Variants in MAST4 observed in about 807,000 individuals in gnomAD.
The protein encoded by MAST4 is microtubule associated serine/threonine kinase family member 4.
MAST4 carries 89 observed loss-of-function variants against 162.7 expected under a neutral mutation model. The observed-to-expected ratio is 0.55, with a 90% CI of 0.46 to 0.65. The LOEUF (loss-of-function observed/expected upper bound fraction) is 0.65. Ranked by LOEUF, MAST4 falls within the 30% of genes least tolerant of loss-of-function variation. MAST4 has a pLI of 0.00. For missense variants in MAST4, 3,153 were observed against 3,374.0 expected (o/e 0.93, Z 1.62); for synonymous variants, 1,479 against 1,361.1 (o/e 1.09, Z -1.91).
intron 4 of MAST4, among the ~76,000 whole-genome samples, chr5:67,028,256 AAACAAC>A (rs374617254): frequency 2.0e-5 from 3 of 152,168 alleles, no homozygotes; most frequent in Admixed American, 6.6e-5. Flanking sequence ...AATCTAGGCA[AAACAAC>A]AACAACAACA....
chr5:67,162,966 G>C (rs1773380778), intron 28 of MAST4, among the ~76,000 whole-genome samples, 178 bp downstream of exon 28: 1 of 152,196 alleles, frequency 6.6e-6, no homozygotes, highest in Non-Finnish European at 1.5e-5. Context: ...AATAAGTCAA[G>C]AAGTATGGGG....
chr5:66,870,470 TACAG>T (rs767855768), intron 3 of MAST4, among the ~76,000 whole-genome samples: 26 of 152,312 alleles, frequency 1.7e-4, no homozygotes, highest in Admixed American at 5.2e-4. Flanking sequence ...ATTTTTGAAA[TACAG>T]ACAATTATCA....
At chr5:66,927,401 G>A (rs1406510760) in intron 4 of MAST4, among the ~76,000 whole-genome samples, 5 of 152,182 alleles carry the variant, frequency 3.3e-5, no homozygotes, top group African/African-American at 9.7e-5. Context: ...AACATCACAT[G>A]TGCAGGTTTT....
At chr5:67,033,884 A>G (rs1317039366) in intron 4 of MAST4, among the ~76,000 whole-genome samples, 4 of 152,172 alleles carry the variant, frequency 2.6e-5, no homozygotes, top group Non-Finnish European at 4.4e-5. Context: ...CCATCTGCAG[A>G]TGGATGTAAA....
intron 4 of MAST4, among the ~76,000 whole-genome samples, chr5:66,979,435 G>T (rs1748517723): frequency 6.6e-6 from 1 of 152,140 alleles, no homozygotes; most frequent in Non-Finnish European, 1.5e-5. Flanking sequence ...CTGCAACTGA[G>T]ATTTCTTGAG....
At chr5:66,794,174 A>T (rs936328352) in intron 3 of MAST4, among the ~76,000 whole-genome samples, 2 of 152,248 alleles carry the variant, frequency 1.3e-5, no homozygotes, top group African/African-American at 4.8e-5. Context: ...GAAATTAGTT[A>T]TGGAAACCTT....
chr5:66,956,509 A>T (rs1486448980), intron 4 of MAST4, among the ~76,000 whole-genome samples: 1 of 152,130 alleles, frequency 6.6e-6, no homozygotes, highest in Non-Finnish European at 1.5e-5. Context: ...ATGCATCTAT[A>T]AAGTGAATGA....
intron 4 of MAST4, among the ~76,000 whole-genome samples, chr5:66,956,605 G>C (rs1745346366): frequency 6.6e-6 from 1 of 152,198 alleles, no homozygotes; most frequent in African/African-American, 2.4e-5. Flanking sequence ...GATTACTGCA[G>C]CAGTTCTCTA....
At chr5:67,122,917 G>A (rs974464607) in intron 14 of MAST4, among the ~76,000 whole-genome samples, 1 of 152,214 alleles carries the variant, frequency 6.6e-6, no homozygotes, top group Admixed American at 6.5e-5. Flanking sequence ...CAAGCTGCCT[G>A]TGGGAGTCTC....
intron 1 of MAST4, among the ~76,000 whole-genome samples, chr5:66,672,845 C>A (rs1170096109): frequency 2.6e-5 from 4 of 152,158 alleles, no homozygotes. Context: ...TACAGTACAT[C>A]ATTTTATAAT....
intron 3 of MAST4, among the ~76,000 whole-genome samples, chr5:66,861,435 C>T (rs1760111205): frequency 6.6e-6 from 1 of 152,144 alleles, no homozygotes; most frequent in South Asian, 2.1e-4. Flanking sequence ...ATGGAGGTAG[C>T]TGTTATTATC....
intron 2 of MAST4, among the ~76,000 whole-genome samples, chr5:66,760,779 G>T (rs1286143682): frequency 1.3e-5 from 2 of 152,106 alleles, no homozygotes; most frequent in Non-Finnish European, 2.9e-5. Flanking sequence ...TAGGATAACT[G>T]TAATTAACAA....
rs371364493 is a variant in MAST4, at chr5:66,869,559, T to C, written c.643-30392T>C. 4.6e-4 allele frequency among the ~76,000 whole-genome samples: 70 copies of C among 152,346 alleles called. 1 individual carries two copies. In the South Asian group the frequency reaches 0.013, roughly 28 times the overall value. On this transcript the variant is annotated intron_variant, in intron 3 of 28. Transcript: ENST00000403625. Reference sequence around the variant, plus strand: ...ATCCTGACTGGCAATCTGCTACTTATAACATTTCCTTTTTGAAAGGTAAGC... The same window carrying C: ...ATCCTGACTGGCAATCTGCTACTTACAACATTTCCTTTTTGAAAGGTAAGC...
At chr5:66,888,233 A>G (rs1419270902) in intron 3 of MAST4, among the ~76,000 whole-genome samples, 1 of 152,186 alleles carries the variant, frequency 6.6e-6, no homozygotes, top group Non-Finnish European at 1.5e-5. Flanking sequence ...GATTATTTGA[A>G]TATGTGTGTC....
intron 1 of MAST4, among the ~76,000 whole-genome samples, chr5:66,635,826 A>T (rs1030197437): frequency 2.0e-5 from 3 of 151,356 alleles, no homozygotes; most frequent in African/African-American, 7.3e-5. Context: ...CTGAAATTGT[A>T]TGCAAAGTCT....
At chr5:66,933,539 A>G (rs16895992) in intron 4 of MAST4, among the ~76,000 whole-genome samples, 22,815 of 152,032 alleles carry the variant, frequency 0.15, 3,277 homozygotes, top group African/African-American at 0.38. Context: ...TAGCTTTCTG[A>G]ACTCTGTGAA....
intron 3 of MAST4, among the ~76,000 whole-genome samples, chr5:66,870,492 G>C (rs1760848781): frequency 6.6e-6 from 1 of 152,194 alleles, no homozygotes; most frequent in Non-Finnish European, 1.5e-5. Context: ...TCAAATAATA[G>C]GAAAATGTAG....
At chr5:66,956,369 C>T (rs936613441) in intron 4 of MAST4, among the ~76,000 whole-genome samples, 2 of 148,400 alleles carry the variant, frequency 1.3e-5, no homozygotes, top group African/African-American at 5.3e-5. Context: ...AAGTTCACAA[C>T]GTCCAGGGTT....
intron 5 of MAST4, among the ~76,000 whole-genome samples, chr5:67,071,645 A>C (rs1761009366): frequency 6.6e-6 from 1 of 152,234 alleles, no homozygotes; most frequent in Non-Finnish European, 1.5e-5. Context: ...CTGTAGTCCC[A>C]GCTACCCAGG....
Sources: allele counts gnomAD v4.1 joint callset (sites outside exome capture counted in the v4.1 genomes callset), GRCh38; gene constraint gnomAD v4.1.1; transcripts MANE v1.5; gene names NCBI Gene and HGNC (gene_info 2026-07-23, HGNC 2026-07-21).